The following ZMYM1 variants were observed in gnomAD, a reference collection of about 807,000 sequenced individuals.
ZMYM1 encodes zinc finger MYM-type containing 1, also known as zinc finger MYM-type protein 1.
A neutral mutation model predicts 60.0 loss-of-function variants in ZMYM1; 39 were observed. The observed-to-expected ratio is 0.65, with a 90% CI of 0.50 to 0.85. The LOEUF is 0.85. Among genes scored for constraint, ZMYM1 ranks in the 40% least tolerant of loss-of-function variants. The pLI is 0.00. For synonymous variants in ZMYM1, 413 were observed against 454.0 expected, an observed-to-expected ratio of 0.91 and a Z score of 1.15; for missense variants, 1,171 against 1,309.5, an observed-to-expected ratio of 0.89 and a Z score of 1.63.
intron 1 of ZMYM1, among the ~76,000 whole-genome samples, chr1:35,068,645 A>T (rs946151376): frequency 4.0e-5 from 6 of 149,306 alleles, no homozygotes; most frequent in African/African-American, 1.5e-4. Flanking sequence ...TACGCAAAAA[A>T]AAAAATATAT....
chr1:35,073,974 G>A (rs1303251906), intron 1 of ZMYM1, among the ~76,000 whole-genome samples: 1 of 152,124 alleles, frequency 6.6e-6, no homozygotes, highest in Non-Finnish European at 1.5e-5. Context: ...TTTTAGTAGA[G>A]ATGAGCTTTC....
chr1:35,085,978 T>C (rs1199567944), intron 1 of ZMYM1, among the ~76,000 whole-genome samples: 2 of 152,210 alleles, frequency 1.3e-5, no homozygotes, highest in Non-Finnish European at 2.9e-5. Flanking sequence ...AATACACCTT[T>C]GTAATGACCA....
chr1:35,079,585 A>T (rs1569858113), intron 1 of ZMYM1, 143 bp downstream of exon 1: 1 of 152,538 alleles, frequency 6.6e-6, no homozygotes, highest in East Asian at 1.9e-4. Flanking sequence ...GGATTCCGCC[A>T]GATGGGGGTC....
intron 6 of ZMYM1, among the ~76,000 whole-genome samples, chr1:35,106,977 G>T (rs1643911390): frequency 6.6e-6 from 1 of 151,582 alleles, no homozygotes; most frequent in African/African-American, 2.4e-5. Context: ...TCAGCCTCGC[G>T]AGCAGCTGGG....
At chr1:35,088,228 G>A (rs1375836473) in intron 1 of ZMYM1, among the ~76,000 whole-genome samples, 1 of 151,770 alleles carries the variant, frequency 6.6e-6, no homozygotes, top group Non-Finnish European at 1.5e-5. Flanking sequence ...GACCATCCTG[G>A]CCAACATGGT....
chr1:35,110,249 A>G (rs1644041785), intron 6 of ZMYM1, 45 bp from the exon 7 acceptor site: 1 of 1,321,270 alleles, frequency 7.6e-7, no homozygotes, highest in Non-Finnish European at 9.9e-7. Flanking sequence ...CATTAACAAC[A>G]TATCATATAC....
In ZMYM1 at chr1:35,097,391, A is replaced by G. The variant is rs748860523; in HGVS notation, c.244A>G (p.Thr82Ala). ...GAATAAAATGCTTCCTTCAGTTTCA[A>G]CCACAGCTATTCAGGTTTCCTGTGC... ...GVNKMLPSVS[T>A]TAIQVSCAGC... The change falls in exon 4 of 10, where the codon ACC becomes GCC. Residue 82 changes from threonine (T) to alanine (A), a missense_variant. Thr to Ala is a moderately conservative substitution (Grantham distance 58). Coordinates refer to ENST00000359858, the MANE Select transcript of ZMYM1 (RefSeq NM_024772.5). 13 of 1,614,000 alleles carry G rather than the reference A, an allele frequency of 8.1e-6. No homozygotes were observed. In the East Asian group the frequency reaches 2.9e-4, roughly 36 times the overall value.
intron 2 of ZMYM1, among the ~76,000 whole-genome samples, chr1:35,094,467 A>C (rs1475592400): frequency 6.6e-6 from 1 of 152,188 alleles, no homozygotes; most frequent in African/African-American, 2.4e-5. Context: ...TAAATTAAAA[A>C]AAATTTTTTT....
intron 4 of ZMYM1, among the ~76,000 whole-genome samples, chr1:35,101,109 CTT>C (rs34048407): frequency 8.5e-5 from 11 of 129,046 alleles, no homozygotes; most frequent in Admixed American, 8.2e-5. Flanking sequence ...AGCCAACATT[CTT>C]TTTTTTTTTT....
At chr1:35,098,342 A>C (rs1166056749) in intron 4 of ZMYM1, among the ~76,000 whole-genome samples, 3 of 152,236 alleles carry the variant, frequency 2.0e-5, no homozygotes, top group Non-Finnish European at 2.9e-5. Flanking sequence ...GTGAAGAATC[A>C]GTGTCATTTT....
intron 7 of ZMYM1, among the ~76,000 whole-genome samples, chr1:35,111,231 A>G (rs1644075102): frequency 6.6e-6 from 1 of 152,220 alleles, no homozygotes; most frequent in Non-Finnish European, 1.5e-5. Context: ...AATCTGAGCC[A>G]ACTAAGTATT....
chr1:35,079,681 C>CCG lies in ZMYM1; in HGVS notation c.-75+241_-75+242dup, dbSNP rs373045565. The stretch of plus-strand genomic sequence containing the variant: ...CATAGACTGGGGGGGTTAGTGCTCC[C>CCG]CGCTTCCAGCGATTCTCGCCGCCTC... On this transcript the variant is annotated intron_variant, in intron 1 of 9. Coordinates refer to ENST00000359858, the MANE Select transcript of ZMYM1 (RefSeq NM_024772.5). 3.7e-4 allele frequency among the ~76,000 whole-genome samples: 57 copies of CCG among 152,322 alleles called. No individual in the cohort carries two copies. In the East Asian group the frequency reaches 0.01, roughly 27 times the overall value.
chr1:35,112,561 A>G (rs1324386445), intron 9 of ZMYM1, among the ~76,000 whole-genome samples: 1 of 61,134 alleles, frequency 1.6e-5, no homozygotes, highest in Non-Finnish European at 3.5e-5. Flanking sequence ...AATATATTGT[A>G]TATAATATAA....
At chr1:35,087,577 C>T (rs1002374683) in intron 1 of ZMYM1, among the ~76,000 whole-genome samples, 1 of 151,914 alleles carries the variant, frequency 6.6e-6, no homozygotes, top group Admixed American at 6.6e-5. Flanking sequence ...CAGGCATGCC[C>T]CACCACGCTC....
chr1:35,068,304 A>G (rs1057440295), intron 1 of ZMYM1, among the ~76,000 whole-genome samples: 2 of 151,636 alleles, frequency 1.3e-5, no homozygotes, highest in Non-Finnish European at 2.9e-5. Context: ...CTGTAGTCCC[A>G]GCTACTCAGG....
At chr1:35,088,450 ATATATGTGTGTGTG>A (rs1464916268) in intron 1 of ZMYM1, among the ~76,000 whole-genome samples, 3 of 104,028 alleles carry the variant, frequency 2.9e-5, no homozygotes, top group Admixed American at 2.2e-4. Context: ...ATATATATAT[ATATATGTGTGTGTG>A]TGTGTGTGTG....
At chr1:35,086,005 T>A (rs1642634908) in intron 1 of ZMYM1, among the ~76,000 whole-genome samples, 1 of 152,226 alleles carries the variant, frequency 6.6e-6, no homozygotes, top group African/African-American at 2.4e-5. Flanking sequence ...AAAACACGTG[T>A]AAAGCTGTGG....
In ZMYM1 at chr1:35,112,150, A is replaced by T; in HGVS notation, c.1146+20A>T. The T allele has an allele frequency of 6.2e-7, 1 of 1,611,456 alleles. No individual in the cohort carries two copies. The highest frequency in any genetic ancestry group is 1.1e-5 in the South Asian group (1 of 90,792). On this transcript the variant is annotated intron_variant, in intron 9 of 9. Transcript: ENST00000359858. ...GTGGATGTAAGTTTTAACTTTTTTT[A>T]CCACTGTCTTTTTTTAATAAGCAGA... is the stretch of plus-strand genomic sequence containing the variant.
At chr1:35,109,245 T>G (rs2148561157) in intron 6 of ZMYM1, among the ~76,000 whole-genome samples, 1 of 152,224 alleles carries the variant, frequency 6.6e-6, no homozygotes, top group East Asian at 1.9e-4. Flanking sequence ...TTTACCAGTC[T>G]GGTCTCAAAC....
Sources: gnomAD v4.1 joint callset for allele counts (sites outside exome capture counted in the v4.1 genomes callset) on GRCh38, gnomAD v4.1.1 for gene constraint, MANE v1.5 for transcripts, NCBI Gene and HGNC (gene_info 2026-07-23, HGNC 2026-07-21) for gene names.